Variants in CACNA1C observed in about 807,000 individuals in gnomAD.
The protein encoded by CACNA1C is voltage-dependent L-type calcium channel subunit alpha-1C.
In CACNA1C, 30 loss-of-function variants were observed where a neutral mutation model predicts 229.0. That is an observed-to-expected ratio of 0.13 (90% CI 0.10 to 0.18). CACNA1C has a LOEUF of 0.18. Ranked by LOEUF, CACNA1C falls within the 10% of genes least tolerant of loss-of-function variation. CACNA1C has a pLI of 1.00. For missense variants in CACNA1C, 1,658 were observed against 2,845.0 expected (o/e 0.58, Z 9.49); for synonymous variants, 1,114 against 1,132.5 (o/e 0.98, Z 0.33).
At chr12:2,543,223 C>A (rs2154591515) in intron 9 of CACNA1C, among the ~76,000 whole-genome samples, 1 of 152,320 alleles carries the variant, frequency 6.6e-6, no homozygotes, top group African/African-American at 2.4e-5. Context: ...CAGATCCATT[C>A]AATAAAGCAT....
At chr12:2,273,829 G>A (rs571459744) in intron 3 of CACNA1C, among the ~76,000 whole-genome samples, 7 of 152,340 alleles carry the variant, frequency 4.6e-5, no homozygotes, top group Admixed American at 1.3e-4. Context: ...GGCAGAGAAC[G>A]GGAGGGGGTC....
chr12:2,302,264 C>T (rs910203137), intron 3 of CACNA1C, among the ~76,000 whole-genome samples: 1 of 151,970 alleles, frequency 6.6e-6, no homozygotes, highest in African/African-American at 2.4e-5. Flanking sequence ...TGGAGGATGC[C>T]TGGCCTGTGT....
chr12:2,611,297 A>G (rs1437088684), intron 28 of CACNA1C, among the ~76,000 whole-genome samples: 3 of 125,714 alleles, frequency 2.4e-5, no homozygotes, highest in Admixed American at 8.1e-5. Flanking sequence ...TGATCAATGG[A>G]GAGAGGGGAG....
rs149594645 is a variant in CACNA1C at position 2,067,397 on chromosome 12, G to A, written c.49+13786G>A. On this transcript the variant is annotated intron_variant, in intron 1 of 46. Transcript: ENST00000399655. The surrounding 1 kb of genome is among the most constrained non-coding windows in gnomAD (Gnocchi z 5.3). ...AGAAGATGACAAAAGCCTGGGTGGT[G>A]GAGATGGTGGCAGTTTAAGGATGTG... 0.012 allele frequency among the ~76,000 whole-genome samples: 1,748 copies of A among 151,944 alleles called. 16 individuals carry two copies. Among genetic ancestry groups the A allele is most frequent in the Non-Finnish European group, 0.019 (1,321 of 67,968 alleles).
intron 3 of CACNA1C, among the ~76,000 whole-genome samples, chr12:2,236,652 G>C (rs1226925629): frequency 6.6e-6 from 1 of 152,072 alleles, no homozygotes; most frequent in Middle Eastern, 3.2e-3. Context: ...AGTTCTCCCA[G>C]CCACACCCCA....
intron 29 of CACNA1C, among the ~76,000 whole-genome samples, chr12:2,618,273 C>T (rs1401562206): frequency 2.6e-5 from 4 of 152,222 alleles, no homozygotes; most frequent in Admixed American, 2.6e-4. Flanking sequence ...AGAGAAACCA[C>T]CTTTACGAAC....
Position 2,597,155 on chromosome 12 carries a change from C to A in CACNA1C, c.2794-75C>A. 1 of 919,092 alleles carries A rather than the reference C, an allele frequency of 1.1e-6. No individual in the cohort carries two copies. The highest frequency in any genetic ancestry group is 1.8e-5 in the Admixed American group (1 of 55,006). The allele number at this position is 919,092 out of a possible 1,614,324, so 56.9% of individuals were successfully genotyped here. On this transcript the variant is annotated intron_variant, in intron 20 of 46. Coordinates refer to ENST00000399655, the MANE Select transcript of CACNA1C (RefSeq NM_000719.7). The surrounding 1 kb of genome is among the most constrained non-coding windows in gnomAD (Gnocchi z 4.3). Reference sequence around the variant, plus strand: ...GTGTGGCCCCTTTTCTGGTGAACATCCACTGACCTCTCTTCCCGTCCTGCT... The same window carrying A: ...GTGTGGCCCCTTTTCTGGTGAACATACACTGACCTCTCTTCCCGTCCTGCT...
chr12:2,558,118 T>C (rs7307271), intron 11 of CACNA1C, among the ~76,000 whole-genome samples: 4,336 of 152,250 alleles, frequency 0.028, 179 homozygotes, highest in East Asian at 0.13. Flanking sequence ...TAAGGTAAAG[T>C]GATTTGTCTC....
Position 2,686,258 on chromosome 12 carries a change from G to A in CACNA1C, c.5773G>A (p.Val1925Ile), listed in dbSNP as rs765256998. The A allele has an allele frequency of 1.9e-6, 3 of 1,610,468 alleles. No individual in the cohort carries two copies. The South Asian group carries it at 3.3e-5, about 18-fold the overall frequency. ...GAAGACAGTCCTGCCCTTGCATCTG[G>A]TTCATCATCAGGTAGCTCACACTTT... ...SQKTVLPLHL[V>I]HHQALAVAGL... The change falls in exon 45 of 47, where the codon GTT becomes ATT. Residue 1925 changes from valine (V) to isoleucine (I), a missense_variant. This residue lies in a region of CACNA1C where 590 missense variants were observed against 700.8 expected (regional missense o/e 0.84). Transcript: ENST00000399655.
rs2097446242 is a variant in CACNA1C, at chr12:2,358,284, TGTGTGTGTG to T, written c.478-90691_478-90683del. ...GTGTGTGTGTGTGTGTGTGTGTGTG[TGTGTGTGTG>T]TGTGTGTGTGTGTGTCTCTTTGTCA... is the stretch of plus-strand genomic sequence containing the variant. On this transcript the variant is annotated intron_variant, in intron 3 of 46. Coordinates refer to ENST00000399655, the MANE Select transcript of CACNA1C (RefSeq NM_000719.7). 3.9e-4 allele frequency among the ~76,000 whole-genome samples: 54 copies of T among 136,866 alleles called. 1 individual carries two copies. Among genetic ancestry groups the T allele is most frequent in the African/African-American group, 1.4e-3 (51 of 35,764 alleles). The allele number at this position is 136,866 out of a possible 152,430, so 89.8% of individuals were successfully genotyped here.
intron 3 of CACNA1C, among the ~76,000 whole-genome samples, chr12:2,147,513 G>GT (rs2094834487): frequency 6.6e-6 from 1 of 151,260 alleles, no homozygotes; most frequent in South Asian, 2.1e-4. Context: ...CCAGGGACCT[G>GT]TTGCCTCTTT....
chr12:1,978,906 T>C (rs1458078812), intron 1 of CACNA1C, among the ~76,000 whole-genome samples: 3 of 152,248 alleles, frequency 2.0e-5, no homozygotes, highest in African/African-American at 7.2e-5. Context: ...TCTATTATTA[T>C]ATACCAAAAT....
Position 2,601,797 on chromosome 12 carries a change from G to A in CACNA1C, c.2854-57G>A, listed in dbSNP as rs2072490333. 1 of 1,097,874 alleles carries A rather than the reference G, an allele frequency of 9.1e-7. No individual in the cohort carries two copies. Among genetic ancestry groups the A allele is most frequent in the African/African-American group, 1.5e-5 (1 of 64,852 alleles). The allele number at this position is 1,097,874 out of a possible 1,614,324, so 68.0% of individuals were successfully genotyped here. A position where few individuals can be genotyped will look rare whatever the true frequency, so the allele number is the denominator to read the frequency against. On this transcript the variant is annotated intron_variant, in intron 21 of 46. Transcript: ENST00000399655. The surrounding 1 kb of genome is among the most constrained non-coding windows in gnomAD (Gnocchi z 5.9). ...GTGGGAGGAAGGGGTGGTGTGAGGG[G>A]TCTCTGGGCTAGGGCTAGGGCCACT...
At chr12:2,468,134 T>C (rs973012533) in intron 5 of CACNA1C, among the ~76,000 whole-genome samples, 4 of 152,244 alleles carry the variant, frequency 2.6e-5, no homozygotes, top group Non-Finnish European at 2.9e-5. Context: ...GGAGTTTCAC[T>C]GAGAGGTTAC....
At chr12:2,620,810 A>G (rs1461343294) in intron 29 of CACNA1C, among the ~76,000 whole-genome samples, 4 of 152,250 alleles carry the variant, frequency 2.6e-5, no homozygotes, top group Non-Finnish European at 4.4e-5. Context: ...AAATTCATCA[A>G]TGGCGGGAGC....
At chr12:2,640,204 C>T (rs915369620) in intron 30 of CACNA1C, among the ~76,000 whole-genome samples, 22 of 152,326 alleles carry the variant, frequency 1.4e-4, no homozygotes, top group African/African-American at 3.4e-4. Flanking sequence ...CAAGGCCACA[C>T]GGTGAATGGG....
At position 2,310,409 on chromosome 12, in the gene CACNA1C, C is replaced by A. The variant is rs139967886; in HGVS notation, c.478-138567C>A. ...AAGACTTCTTGATGTGTATCACCAA[C>A]ATATCTAATTTGGTTTTGAATGTGG... On this transcript the variant is annotated intron_variant, in intron 3 of 46. Transcript: ENST00000399655. 4.8e-3 allele frequency among the ~76,000 whole-genome samples: 728 copies of A among 151,336 alleles called. 9 individuals carry two copies. The highest frequency in any genetic ancestry group is 0.017 in the African/African-American group (691 of 41,108).
intron 43 of CACNA1C, among the ~76,000 whole-genome samples, chr12:2,685,110 G>T (rs1221157058): frequency 6.6e-6 from 1 of 152,198 alleles, no homozygotes; most frequent in Non-Finnish European, 1.5e-5. Flanking sequence ...CAAAGGCTAT[G>T]AGGTTTCATT....
At position 2,318,038 on chromosome 12, in the gene CACNA1C, A is replaced by G. The variant is rs116137797; in HGVS notation, c.478-130938A>G. Among the ~76,000 whole-genome samples the G allele has an allele frequency of 4.4e-3, 674 of 152,252 alleles. 7 individuals are homozygous for G. Among genetic ancestry groups the G allele is most frequent in the African/African-American group, 0.014 (587 of 41,538 alleles). On this transcript the variant is annotated intron_variant, in intron 3 of 46. Coordinates refer to ENST00000399655, the MANE Select transcript of CACNA1C (RefSeq NM_000719.7). ...AGGCAGACGGGGAGAGCAGGGGGCGAGCCGAGGGTCCAGGACATTTGAAGG... is the reference window on the plus strand; with the variant it reads ...AGGCAGACGGGGAGAGCAGGGGGCGGGCCGAGGGTCCAGGACATTTGAAGG...
Sources: allele counts gnomAD v4.1 joint callset (sites outside exome capture counted in the v4.1 genomes callset), GRCh38; gene constraint gnomAD v4.1.1; regional missense constraint gnomAD v4.1.1; non-coding constraint Gnocchi (gnomAD v3.1); transcripts MANE v1.5; gene names NCBI Gene and HGNC (gene_info 2026-07-23, HGNC 2026-07-21).